Variants in HMCN1 observed in about 807,000 individuals in gnomAD.
HMCN1 encodes hemicentin 1.
HMCN1 carries 321 observed loss-of-function variants against 625.9 expected under a neutral mutation model. The ratio of observed to expected loss-of-function variants is 0.51; its 90% CI spans 0.47 to 0.56. The LOEUF is 0.56. Among genes scored for constraint, HMCN1 ranks in the 20% least tolerant of loss-of-function variants. The pLI is 0.00. For missense variants in HMCN1, 6,588 were observed against 6,887.3 expected, an observed-to-expected ratio of 0.96 and a Z score of 1.54; for synonymous variants, 2,425 against 2,417.6, an observed-to-expected ratio of 1.00 and a Z score of -0.09.
intron 4 of HMCN1, among the ~76,000 whole-genome samples, chr1:185,894,656 G>T (rs1029721645): frequency 6.6e-6 from 1 of 152,056 alleles, no homozygotes; most frequent in African/African-American, 2.4e-5. Context: ...AACATTTGGT[G>T]TTTTCTGTCT....
At chr1:185,825,120 A>C (rs138002898) in intron 1 of HMCN1, among the ~76,000 whole-genome samples, 1 of 152,118 alleles carries the variant, frequency 6.6e-6, no homozygotes, top group African/African-American at 2.4e-5. Flanking sequence ...TTGAACATCT[A>C]TGTGTTAGGA....
At chr1:185,881,092 A>C (rs1664277615) in intron 4 of HMCN1, among the ~76,000 whole-genome samples, 1 of 152,182 alleles carries the variant, frequency 6.6e-6, no homozygotes, top group African/African-American at 2.4e-5. Flanking sequence ...AGATGGCTTG[A>C]ATGTTAACAG....
chr1:186,170,910 A>C (rs1274535763), intron 100 of HMCN1, among the ~76,000 whole-genome samples: 3 of 152,190 alleles, frequency 2.0e-5, no homozygotes, highest in Non-Finnish European at 4.4e-5. Context: ...ACAGGGTGAT[A>C]AAGACTTGCA....
rs749812973 is a variant in HMCN1, at chr1:185,784,496, G to A, written c.268+49449G>A. On this transcript the variant is annotated intron_variant, in intron 1 of 106. Transcript: ENST00000271588. ...GTTCCTGTTCGGCCATCTTGGAACC[G>A]CCCCCACTTTTCTCTTTTTTTTTTG... is the stretch of plus-strand genomic sequence containing the variant. 1.1e-4 allele frequency among the ~76,000 whole-genome samples: 16 copies of A among 151,904 alleles called. No individual in the cohort carries two copies. In the East Asian group the frequency reaches 1.5e-3, roughly 15 times the overall value.
rs145591176 is a variant in HMCN1 at position 186,065,309 on chromosome 1, A to C, written c.7585A>C (p.Ile2529Leu). ...CCAAGAAGATGAAGCCCATCACATT[A>C]TATCTGGTGGCCGTTTTCTTCAAAT... ...PLQEDEAHHI[I>L]SGGRFLQITN... Residue 2529 changes from isoleucine (I) to leucine (L), a missense_variant, in exon 49 of 107, where the codon ATA (isoleucine) becomes CTA (leucine). Physicochemically the swap from Ile to Leu is conservative, Grantham distance 5 (BLOSUM62 2). This residue lies in a region of HMCN1 where 4,628 missense variants were observed against 4,853.1 expected (regional missense o/e 0.95). Coordinates refer to ENST00000271588, the MANE Select transcript of HMCN1 (RefSeq NM_031935.3). 3.1e-6 allele frequency: 5 copies of C among 1,612,588 alleles called. No individual in the cohort carries two copies. In the African/African-American group the frequency reaches 6.7e-5, roughly 22 times the overall value.
At chr1:186,123,320 C>A in intron 81 of HMCN1, 100 bp downstream of exon 81, 7 of 1,389,150 alleles carry the variant, frequency 5.0e-6, no homozygotes, top group Non-Finnish European at 6.0e-6. Flanking sequence ...AACCCTTAAA[C>A]TCAGTAATCC....
chr1:186,084,732 A>G (rs1197174559), intron 57 of HMCN1, among the ~76,000 whole-genome samples: 1 of 152,076 alleles, frequency 6.6e-6, no homozygotes, highest in Non-Finnish European at 1.5e-5. Context: ...AACATATGTT[A>G]TATGTCCTTG....
chr1:185,812,722 T>C (rs908985763), intron 1 of HMCN1, among the ~76,000 whole-genome samples: 1 of 152,164 alleles, frequency 6.6e-6, no homozygotes, highest in South Asian at 2.1e-4. Context: ...AATTTAGTTA[T>C]CCAGCAGGTT....
At chr1:186,025,259 T>G (rs1654986819) in intron 36 of HMCN1, among the ~76,000 whole-genome samples, 2 of 152,154 alleles carry the variant, frequency 1.3e-5, no homozygotes, top group Non-Finnish European at 2.9e-5. Flanking sequence ...TGTGGCCCAG[T>G]TCCTAACCAG....
intron 66 of HMCN1, 129 bp downstream of exon 66, chr1:186,093,798 A>AT (rs1659975577): frequency 6.5e-6 from 8 of 1,231,504 alleles, no homozygotes; most frequent in African/African-American, 3.0e-5. Flanking sequence ...CTTTAAGTAT[A>AT]TTTTTAGTAG....
intron 93 of HMCN1, among the ~76,000 whole-genome samples, chr1:186,147,556 G>T (rs1650396008): frequency 6.6e-6 from 1 of 151,896 alleles, no homozygotes; most frequent in Admixed American, 6.6e-5. Context: ...TTTTTCTGAG[G>T]CTGAATGCAA....
At chr1:186,068,603 C>A (rs1658278319) in intron 50 of HMCN1, among the ~76,000 whole-genome samples, 1 of 152,036 alleles carries the variant, frequency 6.6e-6, no homozygotes, top group Admixed American at 6.6e-5. Flanking sequence ...TGCGGTGGCT[C>A]ACGCCTGTAA....
rs764505359 is a variant in HMCN1 at position 185,989,537 on chromosome 1, A to C, written c.3098A>C (p.Asp1033Ala). ...TSSAKFSAGA[D>A]GSLYVVSPGG... ...AGTGCTAAGTTTTCAGCAGGAGCTG[A>C]TGGTAGTCTGTATGTGGTATCACCT... Residue 1033 changes from aspartate (D) to alanine (A), a missense_variant, in exon 21 of 107, where the codon GAT becomes GCT. Transcript: ENST00000271588. 1.2e-6 allele frequency: 2 copies of C among 1,614,108 alleles called. No individual in the cohort carries two copies. The highest frequency in any genetic ancestry group is 2.7e-5 in the African/African-American group (2 of 75,064).
At chr1:186,138,123 T>C (rs1450260371) in intron 89 of HMCN1, 151 bp downstream of exon 89, 20 of 929,786 alleles carry the variant, frequency 2.2e-5, no homozygotes, top group Non-Finnish European at 3.4e-5. Context: ...CTTAGTTCTC[T>C]TTCATGGATA....
chr1:186,113,032 A>G (rs551697902), intron 72 of HMCN1, 79 bp downstream of exon 72: 2 of 1,522,534 alleles, frequency 1.3e-6, no homozygotes, highest in Admixed American at 3.4e-5. Flanking sequence ...TTTTCTTATG[A>G]GCATACTAAA....
intron 35 of HMCN1, among the ~76,000 whole-genome samples, chr1:186,020,749 C>T (rs906461854): frequency 6.6e-5 from 10 of 151,912 alleles, no homozygotes; most frequent in South Asian, 2.1e-4. Context: ...TGGAAGAGAA[C>T]GGAGTAGAGT....
In HMCN1 at chr1:185,987,538, G is replaced by T; in HGVS notation, c.3042G>T (p.Trp1014Cys). The part of the protein sequence containing the change: ...ASGNPKPSVI[W>C]SKKGELISTS... ...GAAATCCCAAACCGTCTGTCATCTGGTCCAAGGTAAATGATACATCTAGTT... is the reference window on the plus strand; with the variant it reads ...GAAATCCCAAACCGTCTGTCATCTGTTCCAAGGTAAATGATACATCTAGTT... Residue 1014 changes from tryptophan (W) to cysteine (C), a missense_variant, in exon 20 of 107, where the codon TGG becomes TGT. Around this residue, in one of 3 missense-constraint regions of HMCN1, gnomAD observed 4,628 missense variants for 4,853.1 expected, o/e 0.95. Coordinates refer to ENST00000271588, the MANE Select transcript of HMCN1 (RefSeq NM_031935.3). 6.3e-7 allele frequency: 1 copy of T among 1,599,568 alleles called. No individual in the cohort carries two copies. Among genetic ancestry groups the T allele is most frequent in the Non-Finnish European group, 8.6e-7 (1 of 1,166,808 alleles).
intron 1 of HMCN1, among the ~76,000 whole-genome samples, chr1:185,785,493 T>A (rs1228882216): frequency 1.3e-5 from 2 of 152,170 alleles, no homozygotes; most frequent in African/African-American, 4.8e-5. Flanking sequence ...GAAGGAAGAG[T>A]CTGTGCTCAG....
chr1:185,931,288 C>A (rs1667535887), intron 10 of HMCN1, among the ~76,000 whole-genome samples: 1 of 152,096 alleles, frequency 6.6e-6, no homozygotes, highest in Non-Finnish European at 1.5e-5. Flanking sequence ...TCCTAGTCTG[C>A]TTTCACTCAG....
Sources: allele counts gnomAD v4.1 joint callset (sites outside exome capture counted in the v4.1 genomes callset), GRCh38; gene constraint gnomAD v4.1.1; regional missense constraint gnomAD v4.1.1; transcripts MANE v1.5; gene names NCBI Gene and HGNC (gene_info 2026-07-23, HGNC 2026-07-21).